The following ATE1 variants were observed in gnomAD, a reference collection of about 807,000 sequenced individuals.
ATE1 encodes the protein arginyltransferase 1.
ATE1 carries 36 observed loss-of-function variants against 70.5 expected under a neutral mutation model. The observed-to-expected ratio is 0.51, with a 90% CI of 0.39 to 0.67. The LOEUF is 0.67. Ranked by LOEUF, ATE1 falls within the 30% of genes least tolerant of loss-of-function variation. The probability of loss-of-function intolerance (pLI) is 0.00; values close to 1 mark genes in which losing one functional copy is unlikely to be tolerated. For missense variants in ATE1, 593 were observed against 629.5 expected (o/e 0.94, Z 0.62); for synonymous variants, 232 against 219.3 (o/e 1.06, Z -0.51).
At chr10:121,745,595 CG>C (rs1388709266) in intron 11 of ATE1, among the ~76,000 whole-genome samples, 3 of 152,092 alleles carry the variant, frequency 2.0e-5, no homozygotes, top group Non-Finnish European at 2.9e-5. Context: ...GGCGTGGTGG[CG>C]GGCGCCTGTA....
intron 10 of ATE1, among the ~76,000 whole-genome samples, chr10:121,810,509 A>T (rs930034948): frequency 2.6e-5 from 4 of 152,040 alleles, no homozygotes; most frequent in Non-Finnish European, 4.4e-5. Flanking sequence ...TGACCTTGTG[A>T]TCTGCCCGCC....
At chr10:121,885,757 G>A (rs1030572397) in intron 7 of ATE1, among the ~76,000 whole-genome samples, 3 of 151,450 alleles carry the variant, frequency 2.0e-5, no homozygotes, top group Non-Finnish European at 2.9e-5. Context: ...AAAATTAGCC[G>A]GGCTTGGAGT....
At chr10:121,770,615 T>C (rs1273707471) in intron 11 of ATE1, among the ~76,000 whole-genome samples, 5 of 152,174 alleles carry the variant, frequency 3.3e-5, no homozygotes, top group Non-Finnish European at 5.9e-5. Flanking sequence ...CCTAATTCTT[T>C]GATCAATAAA....
chr10:121,919,003 C>T (rs192863408), intron 3 of ATE1, among the ~76,000 whole-genome samples: 1 of 151,936 alleles, frequency 6.6e-6, no homozygotes, highest in Non-Finnish European at 1.5e-5. Flanking sequence ...TAAAATGGAC[C>T]AATCAGCACT....
chr10:121,915,085 T>C (rs1951592430), intron 3 of ATE1, among the ~76,000 whole-genome samples: 2 of 152,190 alleles, frequency 1.3e-5, no homozygotes, highest in Middle Eastern at 3.4e-3. Context: ...ACTGAAAAGA[T>C]AGGTACCGAA....
chr10:121,759,718 C>T (rs968580677), intron 11 of ATE1, among the ~76,000 whole-genome samples: 53 of 134,570 alleles, frequency 3.9e-4, no homozygotes, highest in Non-Finnish European at 2.8e-4. Flanking sequence ...AGTGGGACTC[C>T]GTCTCAAAAA....
chr10:121,841,045 T>A, intron 9 of ATE1, 37 bp downstream of exon 9: 2 of 1,434,778 alleles, frequency 1.4e-6, no homozygotes, highest in African/African-American at 2.9e-5. Flanking sequence ...TGAAGTTCTA[T>A]ATAACCCACT....
intron 8 of ATE1, among the ~76,000 whole-genome samples, chr10:121,857,377 G>C (rs1045085095): frequency 1.3e-5 from 2 of 152,162 alleles, no homozygotes; most frequent in Non-Finnish European, 2.9e-5. Flanking sequence ...TTCTGATTCT[G>C]TGTTGGTTTG....
At position 121,869,998 on chromosome 10, in the gene ATE1, A is replaced by T; in HGVS notation, c.975+8T>A. ...ATTCTAATATTAAGGTCAGTGAGTA[A>T]CTCTTACCTCCAAGGGTGAACTGCA... On this transcript the variant is annotated splice_region_variant and intron_variant, in intron 8 of 11. Transcript: ENST00000224652. 1 of 1,603,618 alleles carries T rather than the reference A, an allele frequency of 6.2e-7. No homozygotes were observed. The highest frequency in any genetic ancestry group is 1.3e-5 in the African/African-American group (1 of 74,818).
At chr10:121,752,248 T>G (rs1944615299) in intron 11 of ATE1, among the ~76,000 whole-genome samples, 1 of 139,034 alleles carries the variant, frequency 7.2e-6, no homozygotes. Context: ...TTTTTTTTTT[T>G]GAGACGCAGT....
chr10:121,915,394 A>C (rs1951607980), intron 3 of ATE1, among the ~76,000 whole-genome samples: 1 of 152,190 alleles, frequency 6.6e-6, no homozygotes, highest in Non-Finnish European at 1.5e-5. Flanking sequence ...CTAGTTTAAA[A>C]GGTCCAAAAT....
At chr10:121,780,345 A>G (rs758052147) in intron 11 of ATE1, among the ~76,000 whole-genome samples, 5 of 152,220 alleles carry the variant, frequency 3.3e-5, no homozygotes, top group Admixed American at 2.0e-4. Context: ...ACCAAACACA[A>G]TTAATCACCC....
chr10:121,798,589 C>G (rs896388840), intron 10 of ATE1, among the ~76,000 whole-genome samples: 8 of 152,138 alleles, frequency 5.3e-5, no homozygotes, highest in Non-Finnish European at 1.0e-4. Context: ...AGTTAAATCT[C>G]ACAATAACTT....
chr10:121,894,744 C>CA (rs1220264984), intron 7 of ATE1, among the ~76,000 whole-genome samples: 4 of 151,612 alleles, frequency 2.6e-5, no homozygotes, highest in African/African-American at 9.7e-5. Context: ...ACTAAAAATA[C>CA]AAAAAAATTA....
At chr10:121,746,608 T>TCAAAGCC (rs914323323) in intron 11 of ATE1, among the ~76,000 whole-genome samples, 9 of 152,204 alleles carry the variant, frequency 5.9e-5, no homozygotes, top group African/African-American at 1.7e-4. Flanking sequence ...TATCTAGTTC[T>TCAAAGCC]CAAAGCCCAA....
chr10:121,747,064 C>A (rs1944401079), intron 11 of ATE1, among the ~76,000 whole-genome samples: 1 of 152,148 alleles, frequency 6.6e-6, no homozygotes, highest in Non-Finnish European at 1.5e-5. Context: ...TCTACACTGG[C>A]AGAGAAGACC....
At chr10:121,893,523 C>A (rs1023199678) in intron 7 of ATE1, among the ~76,000 whole-genome samples, 1 of 151,634 alleles carries the variant, frequency 6.6e-6, no homozygotes, top group Non-Finnish European at 1.5e-5. Context: ...ATAAAAGACA[C>A]AATTATATAA....
intron 11 of ATE1, among the ~76,000 whole-genome samples, chr10:121,747,240 T>C (rs969262983): frequency 5.9e-5 from 9 of 152,180 alleles, no homozygotes; most frequent in African/African-American, 2.2e-4. Context: ...AAGATGAAGA[T>C]GGACATAAAC....
At chr10:121,900,937 A>G (rs1001586749) in intron 6 of ATE1, among the ~76,000 whole-genome samples, 3 of 152,312 alleles carry the variant, frequency 2.0e-5, no homozygotes, top group Admixed American at 2.0e-4. Flanking sequence ...GGACAAAAAA[A>G]TCTGTATCCA....
Sources: allele counts gnomAD v4.1 joint callset (sites outside exome capture counted in the v4.1 genomes callset), GRCh38; gene constraint gnomAD v4.1.1; transcripts MANE v1.5; gene names NCBI Gene and HGNC (gene_info 2026-07-23, HGNC 2026-07-21).